Variants in MGAM observed in about 807,000 individuals in gnomAD.
MGAM encodes the protein maltase-glucoamylase, also known as alpha-1,4-glucosidase.
Under a neutral mutation model 358.8 loss-of-function variants are expected in MGAM, and 253 were observed. The ratio of observed to expected loss-of-function variants is 0.71; its 90% CI spans 0.64 to 0.78. The LOEUF is 0.78. Among genes scored for constraint, MGAM ranks in the 30% least tolerant of loss-of-function variants. The pLI is 0.00. For synonymous variants in MGAM, 1,105 were observed against 1,227.1 expected, an observed-to-expected ratio of 0.90 and a Z score of 2.08; for missense variants, 3,080 against 3,432.6, an observed-to-expected ratio of 0.90 and a Z score of 2.57.
rs879225192 is a variant in MGAM at position 142,086,056 on chromosome 7, T to C, written c.6636+95T>C. 2.0e-6 allele frequency: 3 copies of C among 1,494,750 alleles called. 1 individual carries two copies. Among genetic ancestry groups the C allele is most frequent in the East Asian group, 2.3e-5 (1 of 43,320 alleles). 92.6% of individuals were successfully genotyped at this position (1,494,750 alleles called of 1,614,324 possible). ...ACTTTATTTCCATGTTGCAAGTAGATAAATTGAAGTGTAGTAAGAAATGTG... is the reference window on the plus strand; with the variant it reads ...ACTTTATTTCCATGTTGCAAGTAGACAAATTGAAGTGTAGTAAGAAATGTG... On this transcript the variant is annotated intron_variant, in intron 55 of 70. Transcript: ENST00000475668.
At position 142,094,768 on chromosome 7, in the gene MGAM, T is replaced by C. The variant is rs1815739996; in HGVS notation, c.7363T>C (p.Phe2455Leu). 1 of 1,613,596 alleles carries C rather than the reference T, an allele frequency of 6.2e-7. No homozygotes were observed. Among genetic ancestry groups the C allele is most frequent in the South Asian group, 1.1e-5 (1 of 91,072 alleles). The stretch of plus-strand genomic sequence containing the variant: ...TCAGACGGGAGCAGATATCTGTGGG[T>C]TCTTTCAAGATGCTGAATATGAGAT... ...ISYTGADICG[F>L]FQDAEYEMCV... Residue 2455 changes from phenylalanine to leucine, a missense_variant, in exon 63 of 71, where the codon TTC becomes CTC. By Grantham distance (22) the Phe-to-Leu change is conservative. Around this residue, in one of 5 missense-constraint regions of MGAM, gnomAD observed 932 missense variants for 1,198.2 expected, o/e 0.78. Coordinates refer to ENST00000475668, the MANE Select transcript of MGAM (RefSeq NM_001365693.1).
chr7:142,026,450 A>G lies in MGAM; in HGVS notation c.983-665A>G, dbSNP rs1255700921. Reference sequence around the variant, plus strand: ...CAGAATTTATTTACACATACAATGCACATACACACAGCAATTCTCAGTGAT... The same window carrying G: ...CAGAATTTATTTACACATACAATGCGCATACACACAGCAATTCTCAGTGAT... On this transcript the variant is annotated intron_variant, in intron 8 of 70. Coordinates refer to ENST00000475668, the MANE Select transcript of MGAM (RefSeq NM_001365693.1). 2.6e-5 allele frequency among the ~76,000 whole-genome samples: 4 copies of G among 152,344 alleles called. No homozygotes were observed. In the South Asian group the frequency reaches 6.2e-4, roughly 24 times the overall value.
At chr7:142,040,920 A>C (rs1415689661) in intron 21 of MGAM, 74 bp downstream of exon 21, 48 of 1,501,484 alleles carry the variant, frequency 3.2e-5, no homozygotes, top group Non-Finnish European at 4.2e-5. Context: ...TTCGAAACAC[A>C]CTAACAGCCA....
chr7:142,022,304 C>T lies in MGAM; in HGVS notation c.747C>T (p.Asp249=). The change falls in exon 7 of 71, where the codon GAC becomes GAT. Residue 249 remains aspartate (D), a synonymous_variant. Coordinates refer to ENST00000475668, the MANE Select transcript of MGAM (RefSeq NM_001365693.1). ...GCATTGGGCCCCTACTGTTTGCTGA[C>T]CAGTTCTTGCAGCTCTCCACTCGAC... ...DSSIGPLLFA[D]QFLQLSTRLP... is the part of the protein sequence containing the mutation. 3 of 1,612,534 alleles carry T rather than the reference C, an allele frequency of 1.9e-6. No individual in the cohort carries two copies. Among genetic ancestry groups the T allele is most frequent in the Non-Finnish European group, 2.5e-6 (3 of 1,179,042 alleles).
chr7:142,025,210 C>T, intron 8 of MGAM, 61 bp downstream of exon 8: 1 of 1,269,874 alleles, frequency 7.9e-7, no homozygotes, highest in South Asian at 1.2e-5. Context: ...TTTCTTACAG[C>T]ACTATGATAA....
chr7:142,020,939 T>C (rs1245897481), intron 4 of MGAM, 35 bp from the exon 5 acceptor site: 1 of 1,410,500 alleles, frequency 7.1e-7, no homozygotes. Flanking sequence ...ATTTGCAGAG[T>C]CAACTATGAA....
At chr7:142,050,977 G>C (rs919129907) in intron 24 of MGAM, 113 bp downstream of exon 24, 2 of 1,415,536 alleles carry the variant, frequency 1.4e-6, no homozygotes, top group Non-Finnish European at 2.0e-6. Context: ...TTTGAGGCCT[G>C]TTTTGGGGAA....
intron 40 of MGAM, among the ~76,000 whole-genome samples, chr7:142,066,114 C>T (rs1812731617): frequency 6.9e-6 from 1 of 144,636 alleles, no homozygotes; most frequent in Non-Finnish European, 1.6e-5. Flanking sequence ...AGGCACATCC[C>T]AGCGTGGCTA....
At chr7:142,018,857 T>C (rs1445412511) in intron 3 of MGAM, among the ~76,000 whole-genome samples, 10 of 152,222 alleles carry the variant, frequency 6.6e-5, no homozygotes, top group Non-Finnish European at 1.5e-4. Context: ...TCAAAGCCGA[T>C]ATAAATGAAG....
At chr7:142,069,836 C>A (rs1490863309) in intron 43 of MGAM, among the ~76,000 whole-genome samples, 2 of 145,170 alleles carry the variant, frequency 1.4e-5, no homozygotes, top group Non-Finnish European at 3.1e-5. Context: ...CCATTCACTA[C>A]CAGAAGATAT....
upstream of MGAM, among the ~76,000 whole-genome samples, chr7:141,991,839 C>T (rs1299626987): frequency 1.3e-5 from 2 of 152,140 alleles, no homozygotes; most frequent in African/African-American, 4.8e-5. Flanking sequence ...TAGATAAGGC[C>T]ATGTCACCAG....
At chr7:142,082,603 G>T in intron 52 of MGAM, 32 bp downstream of exon 52, 1 of 1,407,676 alleles carries the variant, frequency 7.1e-7, no homozygotes, top group East Asian at 2.5e-5. Context: ...CTTATTTTGG[G>T]GGGATACCAG....
At position 142,085,717 on chromosome 7, in the gene MGAM, T is replaced by G. The variant is rs1007583756; in HGVS notation, c.6508-116T>G. The G allele has an allele frequency of 4.5e-6, 6 of 1,326,216 alleles. 1 individual carries two copies. In the African/African-American group the frequency reaches 5.7e-5, roughly 13 times the overall value. 82.2% of individuals were successfully genotyped at this position (1,326,216 alleles called of 1,614,324 possible). ...CCTAACAAATGGCAGAGCTCGGACT[T>G]GAAAGCATCAACAAGAAGCTATCTG... On this transcript the variant is annotated intron_variant, in intron 54 of 70. Transcript: ENST00000475668.
Position 142,093,684 on chromosome 7 carries a change from T to C in MGAM, c.7172+134T>C. 1.9e-6 allele frequency: 2 copies of C among 1,060,512 alleles called. 1 individual carries two copies. The highest frequency in any genetic ancestry group is 2.7e-6 in the Non-Finnish European group (2 of 751,238). The allele number at this position is 1,060,512 out of a possible 1,614,324, so 65.7% of individuals were successfully genotyped here. A position where few individuals can be genotyped will look rare whatever the true frequency, so the allele number is the denominator to read the frequency against. On this transcript the variant is annotated intron_variant, in intron 60 of 70. Transcript: ENST00000475668. ...TCTCATGACAACTGTGTAATGATTC[T>C]TATTAGATAAACACTTAGTGACATG...
chr7:142,030,110 A>G, intron 10 of MGAM: 1 of 408,722 alleles, frequency 2.4e-6, no homozygotes, highest in Admixed American at 4.2e-5. Flanking sequence ...TTAATGCCAG[A>G]GTGCCAGGCA....
intron 35 of MGAM, among the ~76,000 whole-genome samples, chr7:142,063,274 A>C (rs541316441): frequency 5.5e-4 from 83 of 152,016 alleles, no homozygotes; most frequent in African/African-American, 1.8e-3. Flanking sequence ...ATTGCCTCAC[A>C]GCCACCCTGA....
Position 142,021,726 on chromosome 7 carries a change from C to A in MGAM, c.699C>A (p.Asn233Lys). The A allele has an allele frequency of 1.2e-6, 2 of 1,613,816 alleles. No homozygotes were observed. Among genetic ancestry groups the A allele is most frequent in the Middle Eastern group, 1.7e-4 (1 of 6,058 alleles). Residue 233 changes from asparagine (N) to lysine (K), a missense_variant, in exon 6 of 71, where the codon AAC becomes AAA. By Grantham distance (94) the Asn-to-Lys change is moderately conservative. Coordinates refer to ENST00000475668, the MANE Select transcript of MGAM (RefSeq NM_001365693.1). ...GCATCAAAGTGACCAGAAGAAGCAA[C>A]AATCGTGTTTTGTAAGTTTTGGAAA... ...PFSIKVTRRS[N>K]NRVLFDSSIG... is the part of the protein sequence containing the mutation.
intron 25 of MGAM, 28 bp from the exon 26 acceptor site, chr7:142,052,756 G>T (rs773271784): frequency 6.2e-7 from 1 of 1,611,954 alleles, no homozygotes; most frequent in Non-Finnish European, 8.5e-7. Context: ...ATGCTGTGCT[G>T]ATCTATGACT....
intron 9 of MGAM, 47 bp downstream of exon 9, chr7:142,027,274 A>C (rs782270070): frequency 7.0e-7 from 1 of 1,435,820 alleles, no homozygotes; most frequent in Non-Finnish European, 9.7e-7. Flanking sequence ...CCTAAACAGC[A>C]AATATTTTAA....
Sources: gnomAD v4.1 joint callset for allele counts (sites outside exome capture counted in the v4.1 genomes callset) on GRCh38, gnomAD v4.1.1 for gene constraint, gnomAD v4.1.1 regional missense constraint, MANE v1.5 for transcripts, NCBI Gene and HGNC (gene_info 2026-07-23, HGNC 2026-07-21) for gene names.